Variants in HIVEP1 observed in about 807,000 individuals in gnomAD.
The protein encoded by HIVEP1 is zinc finger protein 40.
A neutral mutation model predicts 180.0 loss-of-function variants in HIVEP1; 36 were observed. The observed-to-expected ratio is 0.20, with a 90% CI of 0.15 to 0.26. The LOEUF (loss-of-function observed/expected upper bound fraction) is 0.26, where lower values mean the gene tolerates loss of function less well. HIVEP1 is among the 10% of genes least tolerant of loss of function. The pLI is 1.00. For synonymous variants in HIVEP1, 1,239 were observed against 1,239.0 expected, an observed-to-expected ratio of 1.00 and a Z score of 0.00; for missense variants, 3,143 against 3,268.7, an observed-to-expected ratio of 0.96 and a Z score of 0.94.
intron 3 of HIVEP1, among the ~76,000 whole-genome samples, chr6:12,104,430 T>G (rs1381141636): frequency 4.2e-5 from 5 of 119,640 alleles, no homozygotes; most frequent in African/African-American, 7.1e-5. Context: ...CTTTCCTTTT[T>G]TTTTTTTTTT....
the HIVEP1 span, among the ~76,000 whole-genome samples, chr6:12,196,433 G>A: frequency 5.9e-5 from 9 of 152,272 alleles, no homozygotes; most frequent in Middle Eastern, 3.4e-3. Context: ...TACTCCAGAA[G>A]GGTTCTTGGG....
chr6:12,179,520 A>G, the HIVEP1 span, among the ~76,000 whole-genome samples: 2 of 152,170 alleles, frequency 1.3e-5, no homozygotes, highest in Non-Finnish European at 2.9e-5. Context: ...TCCTCCTTAA[A>G]AATATGAGCC....
intron 2 of HIVEP1, among the ~76,000 whole-genome samples, chr6:12,046,121 T>A (rs1770099128): frequency 6.6e-6 from 1 of 152,176 alleles, no homozygotes; most frequent in African/African-American, 2.4e-5. Flanking sequence ...ATGAGAAAAA[T>A]TACACCTTGA....
At chr6:12,117,886 A>G (rs556066734) in intron 3 of HIVEP1, among the ~76,000 whole-genome samples, 1 of 152,290 alleles carries the variant, frequency 6.6e-6, no homozygotes, top group Admixed American at 6.5e-5. Flanking sequence ...TAGAGAGACT[A>G]CTCAGCCCAG....
At chr6:12,180,148 G>T in the HIVEP1 span, among the ~76,000 whole-genome samples, 1 of 152,060 alleles carries the variant, frequency 6.6e-6, no homozygotes, top group African/African-American at 2.4e-5. Flanking sequence ...AATACTATGA[G>T]GTTGGCACTC....
At chr6:12,017,369 T>C (rs1767862240) in intron 2 of HIVEP1, among the ~76,000 whole-genome samples, 1 of 152,240 alleles carries the variant, frequency 6.6e-6, no homozygotes, top group African/African-American at 2.4e-5. Context: ...TTCTTTCTTC[T>C]GGTAGGTTCG....
downstream of HIVEP1, among the ~76,000 whole-genome samples, chr6:12,169,716 A>G (rs1457957419): frequency 6.6e-6 from 1 of 152,238 alleles, no homozygotes; most frequent in Non-Finnish European, 1.5e-5. Context: ...TAGAATATAC[A>G]TGATGCTAAG....
intron 3 of HIVEP1, 54 bp downstream of exon 3, chr6:12,089,291 A>G: frequency 3.2e-6 from 3 of 939,710 alleles, no homozygotes; most frequent in Non-Finnish European, 5.1e-6. Context: ...ATGCCTATAC[A>G]TATACCTCAT....
At chr6:12,154,813 G>A (rs1759923861) in intron 7 of HIVEP1, among the ~76,000 whole-genome samples, 1 of 152,100 alleles carries the variant, frequency 6.6e-6, no homozygotes, top group Non-Finnish European at 1.5e-5. Context: ...TGAACTTAAA[G>A]TATAATAAAT....
intron 2 of HIVEP1, among the ~76,000 whole-genome samples, chr6:12,042,168 T>C (rs942750457): frequency 1.1e-4 from 17 of 149,102 alleles, no homozygotes; most frequent in South Asian, 2.1e-4. Flanking sequence ...CAAGCTCCGC[T>C]TCCCGGGTTC....
chr6:12,192,515 G>A, the HIVEP1 span, among the ~76,000 whole-genome samples: 9 of 152,186 alleles, frequency 5.9e-5, no homozygotes, highest in Non-Finnish European at 1.3e-4. Context: ...GGGACCTGGT[G>A]GGAGGTGATT....
chr6:12,145,731 A>C (rs1269033612), intron 7 of HIVEP1, among the ~76,000 whole-genome samples: 4 of 152,124 alleles, frequency 2.6e-5, no homozygotes, highest in South Asian at 2.1e-4. Context: ...CATAGCACTT[A>C]ACCACCACCA....
chr6:12,174,851 A>G, the HIVEP1 span, among the ~76,000 whole-genome samples: 1 of 151,826 alleles, frequency 6.6e-6, no homozygotes, highest in South Asian at 2.1e-4. Context: ...AGCACGTAGA[A>G]TACATGCCAA....
At chr6:12,017,058 A>T (rs1028871827) in intron 2 of HIVEP1, among the ~76,000 whole-genome samples, 10 of 152,198 alleles carry the variant, frequency 6.6e-5, no homozygotes, top group African/African-American at 2.2e-4. Flanking sequence ...GATTGATCTG[A>T]AGGTGTTATT....
intron 2 of HIVEP1, among the ~76,000 whole-genome samples, chr6:12,062,974 A>G (rs561153150): frequency 3.2e-4 from 48 of 152,330 alleles, no homozygotes; most frequent in Admixed American, 7.2e-4. Context: ...GGTACTTACT[A>G]GAAGAATACA....
At chr6:12,168,261 T>C (rs1242945767), downstream of HIVEP1, among the ~76,000 whole-genome samples, 5 of 36,774 alleles carry the variant, frequency 1.4e-4, no homozygotes, top group Admixed American at 5.9e-4. Flanking sequence ...GATATACGTG[T>C]ATATATACAT....
rs1213437999 is a variant in HIVEP1 at position 12,094,937 on chromosome 6, G to A, written c.94+5700G>A. Among the ~76,000 whole-genome samples the A allele has an allele frequency of 3.3e-5, 5 of 152,062 alleles. No homozygotes were observed. In the South Asian group the frequency reaches 6.2e-4, roughly 19 times the overall value. On this transcript the variant is annotated intron_variant, in intron 3 of 8. Coordinates refer to ENST00000379388, the MANE Select transcript of HIVEP1 (RefSeq NM_002114.4). ...CAGGGTAGACTTTTAACTCCCAAGT[G>A]TACTTAACAATAAGGGATTATCCAA...
intron 7 of HIVEP1, among the ~76,000 whole-genome samples, chr6:12,141,277 A>T (rs1043733982): frequency 6.6e-6 from 1 of 152,156 alleles, no homozygotes; most frequent in African/African-American, 2.4e-5. Context: ...ACTAAGCCTC[A>T]TAAGTGAAGG....
At chr6:12,127,822 T>G (rs1312861566) in intron 4 of HIVEP1, among the ~76,000 whole-genome samples, 1 of 151,320 alleles carries the variant, frequency 6.6e-6, no homozygotes, top group Non-Finnish European at 1.5e-5. Flanking sequence ...TCAAGGAGAG[T>G]TGTTAGGTCA....
Sources: gnomAD v4.1 joint callset for allele counts (sites outside exome capture counted in the v4.1 genomes callset) on GRCh38, gnomAD v4.1.1 for gene constraint, MANE v1.5 for transcripts, NCBI Gene and HGNC (gene_info 2026-07-23, HGNC 2026-07-21) for gene names.